Variants in LAP3 observed in about 807,000 individuals in gnomAD.
The protein encoded by LAP3 is leucine aminopeptidase 3.
LAP3 carries 46 observed loss-of-function variants against 58.8 expected under a neutral mutation model. The observed-to-expected ratio is 0.78, with a 90% CI of 0.62 to 1.00. LAP3 has a LOEUF of 1.00. Among genes scored for constraint, LAP3 ranks in the 50% least tolerant of loss-of-function variants. The pLI is 0.00. For synonymous variants in LAP3, 257 were observed against 237.7 expected (o/e 1.08, Z -0.75); for missense variants, 615 against 659.1 (o/e 0.93, Z 0.73).
chr4:17,596,489 G>A (rs1276307529), intron 8 of LAP3, among the ~76,000 whole-genome samples: 2 of 152,060 alleles, frequency 1.3e-5, no homozygotes, highest in African/African-American at 2.4e-5. Context: ...ACAGGCATGC[G>A]CCACCATGCC....
intron 10 of LAP3, among the ~76,000 whole-genome samples, chr4:17,599,474 T>C (rs1315085303): frequency 6.6e-6 from 1 of 151,990 alleles, no homozygotes; most frequent in Non-Finnish European, 1.5e-5. Flanking sequence ...AGGTGGAGGT[T>C]GTAGTGAGCC....
intron 1 of LAP3, among the ~76,000 whole-genome samples, chr4:17,579,305 A>C (rs1713289011): frequency 6.6e-6 from 1 of 152,196 alleles, no homozygotes; most frequent in Admixed American, 6.5e-5. Flanking sequence ...TCTGGTGATA[A>C]GAATGTTCTC....
In LAP3 at chr4:17,603,003, T is replaced by C. The variant is rs1560152425; in HGVS notation, c.1181-1585T>C. ...AGCCAAAGAGGAATAGGATAAATTT[T>C]TAAAGCATAAAAGGAAGAACACAGC... On this transcript the variant is annotated intron_variant, in intron 10 of 12. Transcript: ENST00000226299. Among the ~76,000 whole-genome samples the C allele has an allele frequency of 2.0e-5, 3 of 151,348 alleles. 1 individual carries two copies. The East Asian group carries it at 6.0e-4, about 30-fold the overall frequency.
rs1577224343 is a variant in LAP3 at position 17,598,519 on chromosome 4, T to C, written c.1141T>C (p.Phe381Leu). 3.1e-6 allele frequency: 5 copies of C among 1,614,026 alleles called. No individual in the cohort carries two copies. The highest frequency in any genetic ancestry group is 4.2e-6 in the Non-Finnish European group (5 of 1,180,006). ...TGATGCGCTCTGTTACGCACACACG[T>C]TTAACCCGAAGGTCATCCTCAATGC... is the stretch of plus-strand genomic sequence containing the variant. ...LADALCYAHT[F>L]NPKVILNAAT... Residue 381 changes from phenylalanine to leucine, a missense_variant, in exon 10 of 13, where the codon TTT (phenylalanine) becomes CTT (leucine). Transcript: ENST00000226299.
At chr4:17,587,304 C>A (rs1713544969) in intron 6 of LAP3, among the ~76,000 whole-genome samples, 1 of 152,152 alleles carries the variant, frequency 6.6e-6, no homozygotes, top group African/African-American at 2.4e-5. Flanking sequence ...TAAGCACTCT[C>A]CATTGTAGGT....
intron 7 of LAP3, among the ~76,000 whole-genome samples, chr4:17,594,070 G>A (rs796992680): frequency 1.3e-5 from 2 of 152,208 alleles, no homozygotes; most frequent in African/African-American, 4.8e-5. Flanking sequence ...ACATCCAAAT[G>A]ACAGAGGGTA....
rs769263620 is a variant in LAP3 at position 17,604,571 on chromosome 4, G to C, written c.1181-17G>C. 2.7e-5 allele frequency: 43 copies of C among 1,610,916 alleles called. 1 individual carries two copies. In the South Asian group the frequency reaches 3.6e-4, roughly 14 times the overall value. On this transcript the variant is annotated splice_polypyrimidine_tract_variant and intron_variant, in intron 10 of 12. Coordinates refer to ENST00000226299, the MANE Select transcript of LAP3 (RefSeq NM_015907.3). The stretch of plus-strand genomic sequence containing the variant: ...CCTGGAGAGACTGCACGTGACCTGA[G>C]GGCTTGTGTCTTACAGGTGCCATGG...
rs767948561 is a variant in LAP3, at chr4:17,581,844, C to T, written c.273+30C>T. 7.0e-6 allele frequency: 11 copies of T among 1,577,952 alleles called. No homozygotes were observed. The South Asian group carries it at 1.0e-4, about 14-fold the overall frequency. The stretch of plus-strand genomic sequence containing the variant: ...GAGAAGAACGTGATCATTTGGTAAA[C>T]CCTCAATGAGCATCTACTGTACACC... On this transcript the variant is annotated intron_variant, in intron 3 of 12. Transcript: ENST00000226299.
intron 1 of LAP3, among the ~76,000 whole-genome samples, chr4:17,578,873 G>T (rs79760520): frequency 6.6e-5 from 10 of 152,238 alleles, no homozygotes; most frequent in Non-Finnish European, 1.5e-4. Context: ...CAGTCCTTAC[G>T]ATGGGAGGCA....
chr4:17,582,129 A>G (rs1057399116), intron 3 of LAP3, 159 bp from the exon 4 acceptor site: 3 of 654,572 alleles, frequency 4.6e-6, no homozygotes, highest in East Asian at 2.8e-5. Flanking sequence ...AGGTTTTAAG[A>G]AAAAAAAGCC....
At chr4:17,582,036 G>A (rs1365234515) in intron 3 of LAP3, 9 of 594,142 alleles carry the variant, frequency 1.5e-5, no homozygotes. Context: ...TGTGGCTCTG[G>A]CTTACACAGA....
At chr4:17,591,139 C>T (rs918253794) in intron 7 of LAP3, among the ~76,000 whole-genome samples, 2 of 151,538 alleles carry the variant, frequency 1.3e-5, no homozygotes, top group Non-Finnish European at 2.9e-5. Flanking sequence ...TGCATTGGCG[C>T]AGTCTTGGCT....
At chr4:17,587,765 TTAAG>T (rs1713565417) in intron 6 of LAP3, 1 of 152,334 alleles carries the variant, frequency 6.6e-6, no homozygotes, top group South Asian at 2.1e-4. Flanking sequence ...CCCATGTTTA[TTAAG>T]TAAGAACTAA....
At chr4:17,607,137 G>A (rs78353796) in intron 12 of LAP3, among the ~76,000 whole-genome samples, 199 bp downstream of exon 12, 2,330 of 152,156 alleles carry the variant, frequency 0.015, 26 homozygotes, top group Non-Finnish European at 0.023. Flanking sequence ...TAATCTAATG[G>A]TAATTTTCAA....
In LAP3 at chr4:17,595,505, C is replaced by T. The variant is rs1179078926; in HGVS notation, c.959C>T (p.Ala320Val). 1 of 1,613,988 alleles carries T rather than the reference C, an allele frequency of 6.2e-7. No individual in the cohort carries two copies. Among genetic ancestry groups the T allele is most frequent in the Admixed American group, 1.7e-5 (1 of 60,006 alleles). Residue 320 changes from alanine to valine, a missense_variant, in exon 8 of 13, where the codon GCA (alanine) becomes GTA (valine). Physicochemically the swap from Ala to Val is moderately conservative, Grantham distance 64. Coordinates refer to ENST00000226299, the MANE Select transcript of LAP3 (RefSeq NM_015907.3). ...ATATGCTCAGCCATCGTGTCTGCTG[C>T]AAAGCTTAATTTGCCCATTAATATT... ...ATICSAIVSAAKLNLPINIIG... is the reference protein window; with the variant it reads ...ATICSAIVSAVKLNLPINIIG...
intron 4 of LAP3, 44 bp from the exon 5 acceptor site, chr4:17,583,439 G>C (rs937958194): frequency 6.2e-7 from 1 of 1,610,210 alleles, no homozygotes; most frequent in Non-Finnish European, 8.5e-7. Context: ...TCTTTGAGTT[G>C]TCTTGGACTG....
intron 1 of LAP3, among the ~76,000 whole-genome samples, chr4:17,579,256 T>G (rs1038222439): frequency 6.6e-6 from 1 of 152,020 alleles, no homozygotes; most frequent in Non-Finnish European, 1.5e-5. Context: ...GTTCAGTAGG[T>G]TTATTTGTAC....
chr4:17,600,045 G>T (rs781416587), intron 10 of LAP3, among the ~76,000 whole-genome samples: 2 of 152,174 alleles, frequency 1.3e-5, no homozygotes, highest in African/African-American at 2.4e-5. Flanking sequence ...TGACAAACAA[G>T]TGTTGTCTTA....
At chr4:17,603,936 C>A (rs1398284896) in intron 10 of LAP3, among the ~76,000 whole-genome samples, 2 of 150,100 alleles carry the variant, frequency 1.3e-5, no homozygotes, top group African/African-American at 4.9e-5. Context: ...AAGCAATTCT[C>A]CCTATCTCAG....
Sources: gnomAD v4.1 joint callset for allele counts (sites outside exome capture counted in the v4.1 genomes callset) on GRCh38, gnomAD v4.1.1 for gene constraint, MANE v1.5 for transcripts, NCBI Gene and HGNC (gene_info 2026-07-23, HGNC 2026-07-21) for gene names.